RBFOX3: variants seen among roughly 807,000 people sequenced by gnomAD.
The protein encoded by RBFOX3 is RNA binding fox-1 homolog 3.
Under a neutral mutation model 48.7 loss-of-function variants are expected in RBFOX3, and 17 were observed. The observed-to-expected ratio is 0.35, with a 90% CI of 0.24 to 0.52. The LOEUF is 0.52. Ranked by LOEUF, RBFOX3 falls within the 20% of genes least tolerant of loss-of-function variation. The pLI is 0.94. For synonymous variants in RBFOX3, 212 were observed against 209.5 expected (o/e 1.01, Z -0.10); for missense variants, 382 against 497.5 (o/e 0.77, Z 2.21).
intron 2 of RBFOX3, among the ~76,000 whole-genome samples, chr17:79,458,513 G>A (rs1197574922): frequency 6.6e-6 from 1 of 152,094 alleles, no homozygotes; most frequent in East Asian, 1.9e-4. Context: ...GTTATCACAT[G>A]TGCAGCATCG....
At chr17:79,131,497 G>T (rs2038900432) in intron 4 of RBFOX3, among the ~76,000 whole-genome samples, 1 of 152,226 alleles carries the variant, frequency 6.6e-6, no homozygotes, top group Non-Finnish European at 1.5e-5. Context: ...AGGAGCCTCA[G>T]GCCTTCCTGT....
At chr17:79,206,001 G>A (rs776102630) in intron 4 of RBFOX3, among the ~76,000 whole-genome samples, 2 of 152,120 alleles carry the variant, frequency 1.3e-5, no homozygotes, top group African/African-American at 2.4e-5. Flanking sequence ...ATGCTCATCC[G>A]ATACACTGAG....
At chr17:79,292,750 C>A in intron 3 of RBFOX3, among the ~76,000 whole-genome samples, 1 of 152,202 alleles carries the variant, frequency 6.6e-6, no homozygotes, top group East Asian at 1.9e-4. Flanking sequence ...TTCTTTCCTC[C>A]GCTCAATTCT....
chr17:79,557,881 C>A (rs892628358), intron 1 of RBFOX3, among the ~76,000 whole-genome samples: 31 of 152,146 alleles, frequency 2.0e-4, no homozygotes, highest in Non-Finnish European at 3.8e-4. Context: ...GCCGAGGACG[C>A]AGGGGGTGGC....
chr17:79,278,734 G>A (rs1306715536), intron 3 of RBFOX3, among the ~76,000 whole-genome samples: 3 of 152,260 alleles, frequency 2.0e-5, no homozygotes, highest in Non-Finnish European at 2.9e-5. Flanking sequence ...TGTCCAGGAC[G>A]AAGATGCATC....
intron 2 of RBFOX3, among the ~76,000 whole-genome samples, chr17:79,433,570 G>C (rs559868444): frequency 1.9e-4 from 29 of 152,284 alleles, no homozygotes; most frequent in Admixed American, 1.7e-3. Context: ...TGTCGTGGCT[G>C]GGAGAAGAAC....
chr17:79,519,743 CA>C (rs1186629353), intron 1 of RBFOX3, among the ~76,000 whole-genome samples: 1 of 152,190 alleles, frequency 6.6e-6, no homozygotes, highest in Non-Finnish European at 1.5e-5. Context: ...TTGAGGTCAG[CA>C]CCTGGGTGGT....
chr17:79,371,221 T>G (rs1280546133), intron 2 of RBFOX3, among the ~76,000 whole-genome samples: 1 of 152,238 alleles, frequency 6.6e-6, no homozygotes, highest in Non-Finnish European at 1.5e-5. Flanking sequence ...ATGGGGCAGA[T>G]TAACCCCACT....
At position 79,243,815 on chromosome 17, in the gene RBFOX3, G is replaced by A. The variant is rs11656929; in HGVS notation, c.-73-8010C>T. ...AGGTTGACACAGCTTCCAAAGGGCAGAGCCAAGACAAGAAGGCGCAATGCC... is the reference window on the plus strand; with the variant it reads ...AGGTTGACACAGCTTCCAAAGGGCAAAGCCAAGACAAGAAGGCGCAATGCC... On this transcript the variant is annotated intron_variant, in intron 3 of 14. Coordinates refer to ENST00000693108, the MANE Select transcript of RBFOX3 (RefSeq NM_001350451.2). The surrounding 1 kb of genome is among the most constrained non-coding windows in gnomAD (Gnocchi z 7.9). Among the ~76,000 whole-genome samples, 13,527 of 152,132 alleles carry A rather than the reference G, an allele frequency of 0.089. 689 individuals carry two copies. Among genetic ancestry groups the A allele is most frequent in the African/African-American group, 0.13 (5,322 of 41,492 alleles).
rs534325154 is a variant in RBFOX3, at chr17:79,195,003, T to A, written c.-34+40763A>T. On this transcript the variant is annotated intron_variant, in intron 4 of 14. Coordinates refer to ENST00000693108, the MANE Select transcript of RBFOX3 (RefSeq NM_001350451.2). This position sits in a 1 kb window ranked among gnomAD's most constrained non-coding sequence, Gnocchi z 5.3. The stretch of plus-strand genomic sequence containing the variant: ...TTATGCTTCTATTGGGCAGCTCTGG[T>A]CTAGAACATGGGCAGATGTCTTTCC... 6.6e-6 allele frequency among the ~76,000 whole-genome samples: 1 copy of A among 152,172 alleles called. No individual in the cohort carries two copies. The highest frequency in any genetic ancestry group is 2.1e-4 in the South Asian group (1 of 4,816).
intron 4 of RBFOX3, among the ~76,000 whole-genome samples, chr17:79,213,908 G>A (rs2058686562): frequency 6.6e-6 from 1 of 152,184 alleles, no homozygotes; most frequent in South Asian, 2.1e-4. Flanking sequence ...GGCATTGCTG[G>A]GTTTTGGGAA....
At chr17:79,566,114 G>C (rs1231622846) in intron 1 of RBFOX3, among the ~76,000 whole-genome samples, 1 of 152,134 alleles carries the variant, frequency 6.6e-6, no homozygotes, top group East Asian at 1.9e-4. Context: ...CCCCATCCGA[G>C]ACATCAGCAG....
At chr17:79,234,586 C>T (rs1162999052) in intron 4 of RBFOX3, 1 of 152,086 alleles carries the variant, frequency 6.6e-6, no homozygotes, top group Non-Finnish European at 1.5e-5. Context: ...ACCTGAGGGC[C>T]GATGGCTGCA....
intron 3 of RBFOX3, among the ~76,000 whole-genome samples, chr17:79,278,932 G>T (rs906166840): frequency 2.6e-5 from 4 of 152,096 alleles, no homozygotes; most frequent in Non-Finnish European, 4.4e-5. Context: ...CTTTTGTGGG[G>T]CCAGCTGCCT....
intron 4 of RBFOX3, among the ~76,000 whole-genome samples, chr17:79,181,990 CACACACACACAA>C (rs1172545248): frequency 4.7e-5 from 7 of 149,950 alleles, no homozygotes; most frequent in East Asian, 3.9e-4. Context: ...CACACACACA[CACACACACACAA>C]ACACACAATC....
chr17:79,580,179 G>T (rs1188986043), intron 1 of RBFOX3, among the ~76,000 whole-genome samples: 1 of 151,452 alleles, frequency 6.6e-6, no homozygotes, highest in Admixed American at 6.6e-5. Context: ...TTTGCTTAAG[G>T]GTTTGTCTTA....
intron 2 of RBFOX3, among the ~76,000 whole-genome samples, chr17:79,424,400 A>G (rs1555724479): frequency 6.6e-6 from 1 of 152,096 alleles, no homozygotes; most frequent in East Asian, 1.9e-4. Flanking sequence ...GGCAGGAAAG[A>G]ACAGCCAGCC....
At chr17:79,350,947 C>A (rs1568090964) in intron 2 of RBFOX3, among the ~76,000 whole-genome samples, 3 of 152,174 alleles carry the variant, frequency 2.0e-5, no homozygotes, top group Non-Finnish European at 2.9e-5. Flanking sequence ...CCCCTGGTAA[C>A]CTCTAATCCA....
At chr17:79,450,351 TAAAACGGGGAA>T (rs1832489311) in intron 2 of RBFOX3, among the ~76,000 whole-genome samples, 1 of 152,098 alleles carries the variant, frequency 6.6e-6, no homozygotes, top group Admixed American at 6.5e-5. Flanking sequence ...GTAGGAAGAA[TAAAACGGGGAA>T]AAAACACCGG....
Sources: allele counts gnomAD v4.1 joint callset (sites outside exome capture counted in the v4.1 genomes callset), GRCh38; gene constraint gnomAD v4.1.1; non-coding constraint Gnocchi (gnomAD v3.1); transcripts MANE v1.5; gene names NCBI Gene and HGNC (gene_info 2026-07-23, HGNC 2026-07-21).